Variants in HCK observed in about 807,000 individuals in gnomAD.
The protein encoded by HCK is HCK proto-oncogene, Src family tyrosine kinase, also known as tyrosine-protein kinase HCK.
Under a neutral mutation model 70.4 loss-of-function variants are expected in HCK, and 40 were observed. That is an observed-to-expected ratio of 0.57 (90% CI 0.44 to 0.74). The LOEUF is 0.74. Among genes scored for constraint, HCK ranks in the 30% least tolerant of loss-of-function variants. The probability of loss-of-function intolerance (pLI) is 0.00; values close to 1 mark genes in which losing one functional copy is unlikely to be tolerated. For synonymous variants in HCK, 245 were observed against 263.2 expected, an observed-to-expected ratio of 0.93 and a Z score of 0.67; for missense variants, 568 against 697.2, an observed-to-expected ratio of 0.81 and a Z score of 2.09.
chr20:32,099,068 G>A lies in HCK; in HGVS notation c.1311G>A (p.Lys437=). 2 of 1,614,174 alleles carry A rather than the reference G, an allele frequency of 1.2e-6. No homozygotes were observed. The highest frequency in any genetic ancestry group is 1.1e-5 in the South Asian group (1 of 91,088). Residue 437 remains lysine (K), a synonymous_variant, in exon 12 of 13, where the codon AAG becomes AAA. Coordinates refer to ENST00000375852, the MANE Select transcript of HCK (RefSeq NM_002110.5). ...TCAACTTTGGCTCCTTCACCATCAA[G>A]TCAGACGTCTGGTCCTTTGGTATCC...
At chr20:32,053,657 A>AT in intron 1 of HCK, among the ~76,000 whole-genome samples, 1 of 151,722 alleles carries the variant, frequency 6.6e-6, no homozygotes, top group African/African-American at 2.4e-5. Context: ...AAAAAAAAAA[A>AT]AAAAGTTACT....
intron 10 of HCK, among the ~76,000 whole-genome samples, chr20:32,089,226 A>C (rs1213539283): frequency 1.3e-5 from 2 of 152,266 alleles, no homozygotes; most frequent in Non-Finnish European, 2.9e-5. Flanking sequence ...AGCCATGCCC[A>C]GAATCAGTGT....
intron 8 of HCK, 47 bp downstream of exon 8, chr20:32,084,590 G>A (rs765313919): frequency 1.9e-6 from 3 of 1,544,962 alleles, no homozygotes; most frequent in Non-Finnish European, 1.8e-6. Flanking sequence ...GTGGAGGGGA[G>A]AGGGAGGCCA....
intron 1 of HCK, among the ~76,000 whole-genome samples, chr20:32,054,623 G>A (rs1251458739): frequency 1.3e-5 from 2 of 150,102 alleles, no homozygotes; most frequent in Non-Finnish European, 1.5e-5. Context: ...TGGCTAACAC[G>A]GGGAAACCCC....
At chr20:32,085,473 C>T (rs2045771768) in intron 8 of HCK, among the ~76,000 whole-genome samples, 1 of 151,964 alleles carries the variant, frequency 6.6e-6, no homozygotes, top group African/African-American at 2.4e-5. Context: ...GAGATCGCAC[C>T]ACTGCACTCC....
chr20:32,054,366 T>G, intron 1 of HCK: 2 of 451,442 alleles, frequency 4.4e-6, no homozygotes, highest in South Asian at 3.1e-5. Flanking sequence ...TCCCAGCTAC[T>G]CGGGAGGCTG....
intron 2 of HCK, 61 bp from the exon 3 acceptor site, chr20:32,073,258 C>A: frequency 6.9e-7 from 1 of 1,440,978 alleles, no homozygotes; most frequent in East Asian, 2.3e-5. Context: ...TCAACACAGA[C>A]CTTCCACGGG....
Position 32,099,130 on chromosome 20 carries a change from A to T in HCK, c.1373A>T (p.Tyr458Phe). The change falls in exon 12 of 13, where the codon TAC (tyrosine) becomes TTC (phenylalanine). Residue 458 changes from tyrosine (Y) to phenylalanine (F), a missense_variant. Physicochemically the swap from Tyr to Phe is conservative, Grantham distance 22. Around this residue, in one of 4 missense-constraint regions of HCK, gnomAD observed 160 missense variants for 237.5 expected, o/e 0.67. Transcript: ENST00000375852. Reference sequence around the variant, plus strand: ...ATCGTCACCTACGGCCGGATCCCTTACCCAGGTAGGGAAGGGGCATCAGCT... The same window carrying T: ...ATCGTCACCTACGGCCGGATCCCTTTCCCAGGTAGGGAAGGGGCATCAGCT... 6.2e-7 allele frequency: 1 copy of T among 1,613,916 alleles called. No homozygotes were observed. Among genetic ancestry groups the T allele is most frequent in the South Asian group, 1.1e-5 (1 of 91,074 alleles).
Position 32,101,791 on chromosome 20 carries a change from G to A in HCK, c.*272G>A, listed in dbSNP as rs2046039792. On this transcript the variant is annotated 3_prime_UTR_variant, in exon 13 of 13. Coordinates refer to ENST00000375852, the MANE Select transcript of HCK (RefSeq NM_002110.5). ...TTAGTTACAGCTGTGATTTGGAAGG[G>A]AAACTTTCAAAATAGTGAAATGAAT... The A allele has an allele frequency of 2.7e-6, 1 of 364,398 alleles. No homozygotes were observed. The highest frequency in any genetic ancestry group is 4.4e-5 in the Admixed American group (1 of 22,792). 22.6% of individuals were successfully genotyped at this position (364,398 alleles called of 1,614,324 possible).
chr20:32,075,877 C>T (rs1282359641), intron 5 of HCK, among the ~76,000 whole-genome samples: 2 of 152,206 alleles, frequency 1.3e-5, no homozygotes, highest in Admixed American at 1.3e-4. Flanking sequence ...GGTGGCAATA[C>T]ATCCCATTAA....
intron 1 of HCK, among the ~76,000 whole-genome samples, chr20:32,065,736 G>T (rs1009140233): frequency 2.0e-5 from 3 of 152,188 alleles, no homozygotes; most frequent in African/African-American, 7.2e-5. Flanking sequence ...GAGGATATGG[G>T]ATTCTCTGAT....
chr20:32,083,955 C>T lies in HCK; in HGVS notation c.594C>T (p.Tyr198=). 8.1e-6 allele frequency: 13 copies of T among 1,614,186 alleles called. No individual in the cohort carries two copies. Among genetic ancestry groups the T allele is most frequent in the Non-Finnish European group, 1.1e-5 (13 of 1,180,030 alleles). The change falls in exon 7 of 13, where the codon TAC becomes TAT. Residue 198 remains tyrosine (Y), a synonymous_variant. Coordinates refer to ENST00000375852, the MANE Select transcript of HCK (RefSeq NM_002110.5). ...GGCAGGGAGATACCGTGAAACATTA[C>T]AAGATCCGGACCCTGGACAACGGGG... is the stretch of plus-strand genomic sequence containing the variant.
At chr20:32,070,210 A>T (rs985940542) in intron 1 of HCK, among the ~76,000 whole-genome samples, 18 of 152,114 alleles carry the variant, frequency 1.2e-4, no homozygotes, top group African/African-American at 4.1e-4. Flanking sequence ...ATTTTGGCAG[A>T]TTTCTCACAG....
intron 1 of HCK, among the ~76,000 whole-genome samples, chr20:32,069,432 T>C (rs1307645340): frequency 6.6e-6 from 1 of 152,204 alleles, no homozygotes; most frequent in Non-Finnish European, 1.5e-5. Context: ...CCTCACACAG[T>C]GCTGCTCTTC....
chr20:32,094,751 A>AAGAAAGAAAGAGAGAG (rs1555877788), intron 11 of HCK, among the ~76,000 whole-genome samples: 3 of 87,956 alleles, frequency 3.4e-5, no homozygotes, highest in Admixed American at 1.1e-4. Flanking sequence ...GAAAGAAAGA[A>AAGAAAGAAAGAGAGAG]AGAAAGAAAG....
intron 1 of HCK, among the ~76,000 whole-genome samples, chr20:32,068,561 G>A (rs1013580160): frequency 1.6e-4 from 24 of 152,082 alleles, no homozygotes; most frequent in African/African-American, 5.8e-4. Flanking sequence ...CAGCAGACAT[G>A]GTTCTCTCAT....
chr20:32,097,142 T>C (rs1028778813), intron 11 of HCK, among the ~76,000 whole-genome samples: 1 of 151,414 alleles, frequency 6.6e-6, no homozygotes, highest in Non-Finnish European at 1.5e-5. Flanking sequence ...AAGTCAGGCG[T>C]GGTGGTGTGA....
intron 1 of HCK, among the ~76,000 whole-genome samples, chr20:32,064,258 T>G (rs1028759472): frequency 6.6e-6 from 1 of 152,082 alleles, no homozygotes; most frequent in Non-Finnish European, 1.5e-5. Context: ...CCTCCCAAAG[T>G]GCTGGGATTA....
At chr20:32,076,668 C>T (rs773800506) in intron 5 of HCK, among the ~76,000 whole-genome samples, 3 of 152,284 alleles carry the variant, frequency 2.0e-5, no homozygotes, top group South Asian at 2.1e-4. Flanking sequence ...CCTGGATTGC[C>T]GGCTAACAAG....
Sources: allele counts gnomAD v4.1 joint callset (sites outside exome capture counted in the v4.1 genomes callset), GRCh38; gene constraint gnomAD v4.1.1; regional missense constraint gnomAD v4.1.1; transcripts MANE v1.5; gene names NCBI Gene and HGNC (gene_info 2026-07-23, HGNC 2026-07-21).